The following SIRPA variants were observed in gnomAD, a reference collection of about 807,000 sequenced individuals.
SIRPA encodes the protein tyrosine-protein phosphatase non-receptor type substrate 1.
In SIRPA, 9 loss-of-function variants were observed where a neutral mutation model predicts 50.3. That is an observed-to-expected ratio of 0.18 (90% CI 0.11 to 0.31). The LOEUF is 0.31. Among genes scored for constraint, SIRPA ranks in the 10% least tolerant of loss-of-function variants. SIRPA has a pLI of 1.00. For synonymous variants in SIRPA, 265 were observed against 284.1 expected (o/e 0.93, Z 0.68); for missense variants, 474 against 661.6 (o/e 0.72, Z 3.11).
rs77985665 is a variant in SIRPA at position 1,933,319 on chromosome 20, G to C, written c.1227-1396G>C. 0.046 allele frequency among the ~76,000 whole-genome samples: 7,042 copies of C among 152,202 alleles called. 208 individuals carry two copies. The highest frequency in any genetic ancestry group is 0.088 in the South Asian group (425 of 4,804). ...CCATAGTTGAGTCTTGAAGGAAACA[G>C]GAAAGTTAGCCAAGAGGAAAAATGA... is the stretch of plus-strand genomic sequence containing the variant. On this transcript the variant is annotated intron_variant, in intron 6 of 7. Coordinates refer to ENST00000358771, the MANE Select transcript of SIRPA (RefSeq NM_001040023.2). The surrounding 1 kb of genome is among the most constrained non-coding windows in gnomAD (Gnocchi z 4.4).
chr20:1,912,004 T>G (rs941124238), intron 1 of SIRPA, among the ~76,000 whole-genome samples: 16 of 149,852 alleles, frequency 1.1e-4, no homozygotes, highest in African/African-American at 3.7e-4. Context: ...CAGATTAAAA[T>G]AATATTTGGC....
intron 3 of SIRPA, 131 bp downstream of exon 3, chr20:1,921,843 C>T (rs1985680750): frequency 1.3e-6 from 1 of 757,060 alleles, no homozygotes; most frequent in African/African-American, 1.8e-5. Flanking sequence ...AACTGCCCAC[C>T]TCCCATGCCC....
intron 1 of SIRPA, among the ~76,000 whole-genome samples, chr20:1,905,023 G>A (rs989050682): frequency 5.9e-5 from 9 of 152,154 alleles, no homozygotes; most frequent in African/African-American, 1.7e-4. Flanking sequence ...CGCTAACACT[G>A]TTTCCTCCCA....
At position 1,920,395 on chromosome 20, in the gene SIRPA, A is replaced by C. The variant is rs1350060605; in HGVS notation, c.437-1000A>C. Among the ~76,000 whole-genome samples the C allele has an allele frequency of 2.0e-5, 3 of 152,208 alleles. No individual in the cohort carries two copies. The East Asian group carries it at 5.8e-4, about 29-fold the overall frequency. ...TGATATGTGCTTCCTGGTGACTGCG[A>C]TAGGAGGTATGGGGTAATGATTAGC... On this transcript the variant is annotated intron_variant, in intron 2 of 7. Coordinates refer to ENST00000358771, the MANE Select transcript of SIRPA (RefSeq NM_001040023.2).
At position 1,933,409 on chromosome 20, in the gene SIRPA, C is replaced by A. The variant is rs919284348; in HGVS notation, c.1227-1306C>A. On this transcript the variant is annotated intron_variant, in intron 6 of 7. Coordinates refer to ENST00000358771, the MANE Select transcript of SIRPA (RefSeq NM_001040023.2). This position sits in a 1 kb window ranked among gnomAD's most constrained non-coding sequence, Gnocchi z 4.4. The stretch of plus-strand genomic sequence containing the variant: ...ACATAACATCAAATGCCACCCCCCC[C>A]CCGAAATATCTGGTGGGCAGATGAG... Among the ~76,000 whole-genome samples, 2 of 151,150 alleles carry A rather than the reference C, an allele frequency of 1.3e-5. No homozygotes were observed. The highest frequency in any genetic ancestry group is 1.3e-4 in the Admixed American group (2 of 15,186).
At chr20:1,931,617 T>C (rs1022165433) in intron 6 of SIRPA, among the ~76,000 whole-genome samples, 2 of 152,188 alleles carry the variant, frequency 1.3e-5, no homozygotes, top group African/African-American at 4.8e-5. Context: ...CGGCTTTGGC[T>C]TGCTGGGATC....
intron 1 of SIRPA, among the ~76,000 whole-genome samples, chr20:1,912,334 C>T (rs997569537): frequency 1.3e-5 from 2 of 152,248 alleles, no homozygotes; most frequent in African/African-American, 4.8e-5. Context: ...ATAATAACTG[C>T]AAGCCAGGCT....
rs913702063 is a variant in SIRPA at position 1,921,496 on chromosome 20, A to G, written c.538A>G (p.Ile180Val). The change falls in exon 3 of 8, where the codon ATC (isoleucine) becomes GTC (valine). Residue 180 changes from isoleucine (I) to valine (V), a missense_variant. Around this residue, in one of 4 missense-constraint regions of SIRPA, gnomAD observed 221 missense variants for 359.9 expected, o/e 0.61. Coordinates refer to ENST00000358771, the MANE Select transcript of SIRPA (RefSeq NM_001040023.2). Reference sequence around the variant, plus strand: ...GTCCCACGGCTTCTCACCCAGAGACATCACCCTGAAATGGTTCAAAAATGG... The same window carrying G: ...GTCCCACGGCTTCTCACCCAGAGACGTCACCCTGAAATGGTTCAAAAATGG... ...CESHGFSPRD[I>V]TLKWFKNGNE... 1 of 1,614,016 alleles carries G rather than the reference A, an allele frequency of 6.2e-7. No homozygotes were observed. The highest frequency in any genetic ancestry group is 2.2e-5 in the East Asian group (1 of 44,876).
Position 1,898,464 on chromosome 20 carries a change from T to C in SIRPA, c.79+2938T>C, listed in dbSNP as rs1164796944. 6.6e-6 allele frequency among the ~76,000 whole-genome samples: 1 copy of C among 152,118 alleles called. No homozygotes were observed. The highest frequency in any genetic ancestry group is 1.9e-4 in the East Asian group (1 of 5,174). ...GAGAAGGGAGGAAAACCAACATTCA[T>C]TAGATAGTTAATGGCGTTCCAGGCC... On this transcript the variant is annotated intron_variant, in intron 1 of 7. Coordinates refer to ENST00000358771, the MANE Select transcript of SIRPA (RefSeq NM_001040023.2). This position sits in a 1 kb window ranked among gnomAD's most constrained non-coding sequence, Gnocchi z 4.3.
At chr20:1,913,252 C>A (rs1051646083) in intron 1 of SIRPA, among the ~76,000 whole-genome samples, 2 of 152,176 alleles carry the variant, frequency 1.3e-5, no homozygotes, top group Non-Finnish European at 2.9e-5. Context: ...GAACCGGGCC[C>A]CAAGGGTGAT....
intron 6 of SIRPA, among the ~76,000 whole-genome samples, chr20:1,930,745 C>A (rs904381641): frequency 4.6e-5 from 7 of 152,156 alleles, no homozygotes; most frequent in Admixed American, 4.6e-4. Flanking sequence ...CATGCGCCAC[C>A]ACCCCCGGCT....
At chr20:1,896,340 C>G (rs1460269808) in intron 1 of SIRPA, among the ~76,000 whole-genome samples, 2 of 151,628 alleles carry the variant, frequency 1.3e-5, no homozygotes, top group East Asian at 3.9e-4. Flanking sequence ...CGCCGGCAGG[C>G]GGGCTCTGAA....
intron 1 of SIRPA, among the ~76,000 whole-genome samples, chr20:1,896,946 A>G (rs907287152): frequency 6.6e-6 from 1 of 152,168 alleles, no homozygotes; most frequent in African/African-American, 2.4e-5. Flanking sequence ...CTGCCCTGCC[A>G]TCCTTCCTGG....
At chr20:1,918,536 T>G (rs1985448052) in intron 2 of SIRPA, among the ~76,000 whole-genome samples, 1 of 151,884 alleles carries the variant, frequency 6.6e-6, no homozygotes, top group South Asian at 2.1e-4. Flanking sequence ...TTAAGATGTG[T>G]TACCTTGGGC....
At chr20:1,897,160 A>G (rs1983882270) in intron 1 of SIRPA, among the ~76,000 whole-genome samples, 1 of 152,178 alleles carries the variant, frequency 6.6e-6, no homozygotes, top group Non-Finnish European at 1.5e-5. Flanking sequence ...TGGGAACACC[A>G]ACACCTTTCT....
intron 1 of SIRPA, among the ~76,000 whole-genome samples, chr20:1,913,851 G>A (rs895411951): frequency 5.9e-5 from 9 of 152,068 alleles, no homozygotes; most frequent in Admixed American, 3.3e-4. Context: ...TGACAAGCTC[G>A]TCCTGCCCTC....
intron 1 of SIRPA, among the ~76,000 whole-genome samples, chr20:1,907,872 G>A (rs1984638648): frequency 6.6e-6 from 1 of 152,200 alleles, no homozygotes; most frequent in Non-Finnish European, 1.5e-5. Context: ...CTCTTCTTGG[G>A]AACTGTGGCA....
chr20:1,918,201 T>G (rs1392677372), intron 2 of SIRPA, among the ~76,000 whole-genome samples: 1 of 104,584 alleles, frequency 9.6e-6, no homozygotes, highest in East Asian at 3.6e-4. Context: ...GTTTGTTTGT[T>G]TTTTCTTTTT....
At chr20:1,900,639 C>T (rs1984135065) in intron 1 of SIRPA, among the ~76,000 whole-genome samples, 1 of 152,244 alleles carries the variant, frequency 6.6e-6, no homozygotes, top group Non-Finnish European at 1.5e-5. Flanking sequence ...GAGAAAAAAA[C>T]TGGCCGGGCC....
Sources: gnomAD v4.1 joint callset for allele counts (sites outside exome capture counted in the v4.1 genomes callset) on GRCh38, gnomAD v4.1.1 for gene constraint, gnomAD v4.1.1 regional missense constraint, Gnocchi (gnomAD v3.1) non-coding constraint, MANE v1.5 for transcripts, NCBI Gene and HGNC (gene_info 2026-07-23, HGNC 2026-07-21) for gene names.